The following ZNF385D variants were observed in gnomAD, a reference collection of about 807,000 sequenced individuals.
ZNF385D encodes zinc finger protein 659.
In ZNF385D, 15 loss-of-function variants were observed where a neutral mutation model predicts 35.8. The ratio of observed to expected loss-of-function variants is 0.42; its 90% CI spans 0.28 to 0.64. The LOEUF (loss-of-function observed/expected upper bound fraction) is 0.64. ZNF385D is among the 30% of genes least tolerant of loss of function. ZNF385D has a pLI of 0.23. For missense variants in ZNF385D, 474 were observed against 494.6 expected (o/e 0.96, Z 0.39); for synonymous variants, 212 against 186.8 (o/e 1.13, Z -1.10).
chr3:22,285,544 T>TA (rs1701981716), intron 2 of ZNF385D, among the ~76,000 whole-genome samples: 1 of 152,078 alleles, frequency 6.6e-6, no homozygotes. Flanking sequence ...ATTTATTTTT[T>TA]ATTATACTTT....
At chr3:22,178,984 G>A (rs1299998053) in intron 2 of ZNF385D, among the ~76,000 whole-genome samples, 3 of 152,138 alleles carry the variant, frequency 2.0e-5, no homozygotes, top group South Asian at 2.1e-4. Flanking sequence ...TTTGGTTACA[G>A]TAGCCTTGTA....
intron 3 of ZNF385D, among the ~76,000 whole-genome samples, chr3:22,087,830 G>A (rs1299398089): frequency 3.3e-5 from 5 of 152,270 alleles, no homozygotes; most frequent in East Asian, 1.9e-4. Context: ...TTTAAAAAAA[G>A]CAGAGTATAG....
chr3:21,886,367 G>GAAAA (rs970437568), intron 3 of ZNF385D, among the ~76,000 whole-genome samples: 3 of 64,134 alleles, frequency 4.7e-5, no homozygotes, highest in Non-Finnish European at 6.3e-5. Context: ...TAATGAGGAA[G>GAAAA]AAAAAAAAAA....
intron 3 of ZNF385D, among the ~76,000 whole-genome samples, chr3:22,127,646 G>A (rs917818452): frequency 6.6e-6 from 1 of 151,696 alleles, no homozygotes; most frequent in African/African-American, 2.4e-5. Context: ...GGCCCTAAAT[G>A]TTTTCTTGAT....
intron 1 of ZNF385D, among the ~76,000 whole-genome samples, chr3:21,669,854 CA>C (rs1296802939): frequency 2.0e-5 from 3 of 152,140 alleles, no homozygotes; most frequent in Non-Finnish European, 4.4e-5. Context: ...GAAGAATGAT[CA>C]CAATAAGAGG....
At chr3:21,912,997 A>G (rs1700032286) in intron 3 of ZNF385D, among the ~76,000 whole-genome samples, 1 of 152,112 alleles carries the variant, frequency 6.6e-6, no homozygotes, top group South Asian at 2.1e-4. Flanking sequence ...TTTTTTTAAA[A>G]GCAAATTTTT....
At chr3:21,854,570 C>G (rs1351896254) in intron 3 of ZNF385D, among the ~76,000 whole-genome samples, 1 of 151,792 alleles carries the variant, frequency 6.6e-6, no homozygotes, top group Non-Finnish European at 1.5e-5. Flanking sequence ...TACTCTGTGC[C>G]CTGAAATTAC....
intron 2 of ZNF385D, among the ~76,000 whole-genome samples, chr3:22,176,675 T>C (rs780393920): frequency 6.6e-6 from 1 of 152,198 alleles, no homozygotes; most frequent in Non-Finnish European, 1.5e-5. Context: ...CCTTTCTTCC[T>C]TTTAAGCAGT....
intron 3 of ZNF385D, among the ~76,000 whole-genome samples, chr3:21,557,355 TGA>T: frequency 6.6e-6 from 1 of 152,334 alleles, no homozygotes; most frequent in Middle Eastern, 3.4e-3. Context: ...CCTAATTTAT[TGA>T]GAGTTTTCAG....
chr3:22,064,084 C>A (rs1699818282), intron 3 of ZNF385D, among the ~76,000 whole-genome samples: 1 of 152,160 alleles, frequency 6.6e-6, no homozygotes, highest in African/African-American at 2.4e-5. Context: ...TTGTACCTCA[C>A]CTTTAGGGGA....
chr3:21,464,466 C>A (rs902307570), intron 4 of ZNF385D, among the ~76,000 whole-genome samples: 2 of 152,046 alleles, frequency 1.3e-5, no homozygotes, highest in African/African-American at 4.8e-5. Flanking sequence ...CTCATAAGTG[C>A]ATTCATACAC....
chr3:21,456,790 T>C (rs1172461781), intron 4 of ZNF385D, among the ~76,000 whole-genome samples: 1 of 152,112 alleles, frequency 6.6e-6, no homozygotes. Flanking sequence ...CTGCCATCTG[T>C]CTGGAATGCT....
chr3:22,244,632 T>C (rs973673068), intron 2 of ZNF385D, among the ~76,000 whole-genome samples: 2 of 151,050 alleles, frequency 1.3e-5, no homozygotes, highest in African/African-American at 4.9e-5. Flanking sequence ...TGAAATAGTA[T>C]GGGTTTCAAA....
intron 2 of ZNF385D, among the ~76,000 whole-genome samples, chr3:22,317,149 C>G (rs936333656): frequency 2.3e-4 from 35 of 151,412 alleles, no homozygotes; most frequent in African/African-American, 8.0e-4. Flanking sequence ...TGGTGGCATG[C>G]ACCTGTAATT....
intron 3 of ZNF385D, among the ~76,000 whole-genome samples, chr3:21,926,248 T>A (rs1700721570): frequency 6.6e-6 from 1 of 152,120 alleles, no homozygotes; most frequent in Admixed American, 6.5e-5. Context: ...ACCTGTCATC[T>A]TCATTAGGTA....
At chr3:22,211,820 A>C (rs566742350) in intron 2 of ZNF385D, among the ~76,000 whole-genome samples, 1 of 152,020 alleles carries the variant, frequency 6.6e-6, no homozygotes, top group South Asian at 2.1e-4. Flanking sequence ...GCAGTGTATA[A>C]ATTACCCGAT....
intron 2 of ZNF385D, among the ~76,000 whole-genome samples, chr3:22,277,822 T>G (rs1491880): frequency 0.016 from 2,505 of 152,180 alleles, 120 homozygotes; most frequent in East Asian, 0.1. Flanking sequence ...GGCTAAGCAT[T>G]ACATGATGAA....
intron 3 of ZNF385D, among the ~76,000 whole-genome samples, chr3:22,152,915 G>A (rs1413757710): frequency 6.6e-6 from 1 of 152,126 alleles, no homozygotes; most frequent in Non-Finnish European, 1.5e-5. Context: ...GGGACGTGGT[G>A]AAATCTTGCA....
intron 2 of ZNF385D, among the ~76,000 whole-genome samples, chr3:21,628,775 TAAACA>T (rs565483478): frequency 1.3e-5 from 2 of 152,162 alleles, no homozygotes; most frequent in African/African-American, 4.8e-5. Flanking sequence ...TTCTGACACA[TAAACA>T]AAAGTGGGAA....
Sources: allele counts gnomAD v4.1 joint callset (sites outside exome capture counted in the v4.1 genomes callset), GRCh38; gene constraint gnomAD v4.1.1; transcripts MANE v1.5; gene names NCBI Gene and HGNC (gene_info 2026-07-23, HGNC 2026-07-21).